Variants in LSM1 observed in about 807,000 individuals in gnomAD.
LSM1 encodes the protein LSM1 homolog, mRNA degradation associated.
LSM1 carries 13 observed loss-of-function variants against 18.0 expected under a neutral mutation model. The ratio of observed to expected loss-of-function variants is 0.72; its 90% CI spans 0.47 to 1.15. LSM1 has a LOEUF of 1.15. Ranked by LOEUF, LSM1 falls within the 50% of genes most tolerant of loss-of-function variation. The pLI is 0.00. For missense variants in LSM1, 152 were observed against 157.7 expected, an observed-to-expected ratio of 0.96 and a Z score of 0.19; for synonymous variants, 46 against 56.0, an observed-to-expected ratio of 0.82 and a Z score of 0.80.
At chr8:38,169,503 T>C (rs1802989679) in intron 3 of LSM1, among the ~76,000 whole-genome samples, 2 of 152,236 alleles carry the variant, frequency 1.3e-5, no homozygotes, top group Non-Finnish European at 1.5e-5. Context: ...GAAAAACCAC[T>C]TGTAACCAAT....
At chr8:38,176,536 A>T, upstream of LSM1, 1 of 577,970 alleles carries the variant, frequency 1.7e-6, no homozygotes, top group South Asian at 2.3e-5. Flanking sequence ...CCCCAGGAAG[A>T]GGCGGGGCAG....
intron 3 of LSM1, among the ~76,000 whole-genome samples, chr8:38,167,505 G>A (rs569601576): frequency 2.9e-4 from 44 of 152,084 alleles, no homozygotes; most frequent in African/African-American, 1.0e-3. Context: ...ATCACCCCTG[G>A]CTAATTTTTG....
chr8:38,169,758 G>A (rs766777263), intron 3 of LSM1, 44 bp downstream of exon 3: 1 of 1,122,720 alleles, frequency 8.9e-7, no homozygotes, highest in South Asian at 1.3e-5. Context: ...AGTCTAACTA[G>A]CATGAATATG....
chr8:38,175,038 A>AG, intron 1 of LSM1, among the ~76,000 whole-genome samples: 2 of 151,016 alleles, frequency 1.3e-5, no homozygotes, highest in South Asian at 4.2e-4. Flanking sequence ...AAAAAAAAAA[A>AG]AAAAAAGAAA....
upstream of LSM1, chr8:38,176,567 C>G: frequency 1.7e-6 from 1 of 576,902 alleles, no homozygotes; most frequent in Non-Finnish European, 3.1e-6. Flanking sequence ...GGGGGACACC[C>G]TTTCCCTGTT....
chr8:38,163,870 C>T (rs1399269041), intron 3 of LSM1, 30 bp from the exon 4 acceptor site: 8 of 1,601,286 alleles, frequency 5.0e-6, no homozygotes, highest in Middle Eastern at 3.3e-4. Context: ...GAAAACTTCA[C>T]CTGAAGACCA....
intron 1 of LSM1, among the ~76,000 whole-genome samples, chr8:38,175,305 C>G (rs1458600895): frequency 2.6e-5 from 4 of 151,950 alleles, no homozygotes; most frequent in Non-Finnish European, 5.9e-5. Flanking sequence ...CGACCTCAGG[C>G]GATCTGCCCG....
In LSM1 at chr8:38,163,529, T is replaced by C. The variant is rs1300554681; in HGVS notation, c.*141A>G. 1 of 682,294 alleles carries C rather than the reference T, an allele frequency of 1.5e-6. No individual in the cohort carries two copies. Among genetic ancestry groups the C allele is most frequent in the Non-Finnish European group, 2.4e-6 (1 of 422,870 alleles). The allele number at this position is 682,294 out of a possible 1,614,324, so 42.3% of individuals were successfully genotyped here. A position where few individuals can be genotyped will look rare whatever the true frequency, so the allele number is the denominator to read the frequency against. On this transcript the variant is annotated 3_prime_UTR_variant, in exon 4 of 4. Transcript: ENST00000311351. ...ACCCACCTACACGATTTCTTCATGT[T>C]GCATATGTAAAATAATTAAAAATAA...
intron 3 of LSM1, among the ~76,000 whole-genome samples, chr8:38,164,301 C>T (rs899922984): frequency 6.6e-6 from 1 of 152,104 alleles, no homozygotes; most frequent in South Asian, 2.1e-4. Flanking sequence ...ATCTGCCTGC[C>T]TTGGCCTCTC....
chr8:38,175,372 A>C (rs148606556), intron 1 of LSM1, among the ~76,000 whole-genome samples: 1 of 152,308 alleles, frequency 6.6e-6, no homozygotes, highest in East Asian at 1.9e-4. Flanking sequence ...CAGGCCCGTA[A>C]AATGAAATTT....
Position 38,163,652 on chromosome 8 carries a change from C to T in LSM1, c.*18G>A, listed in dbSNP as rs1346839396. 1.2e-6 allele frequency: 2 copies of T among 1,612,540 alleles called. No individual in the cohort carries two copies. The highest frequency in any genetic ancestry group is 1.7e-6 in the Non-Finnish European group (2 of 1,178,928). On this transcript the variant is annotated 3_prime_UTR_variant, in exon 4 of 4. Transcript: ENST00000311351. ...ACAGCCCCTACTCTTCAAGAGCCAA[C>T]AGCCTCTGGGCAAAAGATTAGTACT...
chr8:38,176,466 CG>C lies in LSM1; in HGVS notation c.-147del. ...CACTTCTGCCCCGGCTTTCAGCCGC[CG>C]GGGGCTGCCGGAAGCTCCTCCATAT... On this transcript the variant is annotated 5_prime_UTR_variant, in exon 1 of 4. The change abolishes the stop of an existing upstream ORF in the 5' untranslated region. Transcript: ENST00000311351. 1.5e-6 allele frequency: 1 copy of C among 651,498 alleles called. No individual in the cohort carries two copies. Among genetic ancestry groups the C allele is most frequent in the Non-Finnish European group, 2.7e-6 (1 of 375,092 alleles). The allele number at this position is 651,498 out of a possible 1,614,324, so 40.4% of individuals were successfully genotyped here.
chr8:38,164,532 T>C (rs1802896808), intron 3 of LSM1, among the ~76,000 whole-genome samples: 10 of 151,684 alleles, frequency 6.6e-5, no homozygotes, highest in Admixed American at 6.6e-4. Context: ...TTTTTTTAAT[T>C]ATTTTAAGGA....
At chr8:38,171,662 A>G (rs1803032509) in intron 2 of LSM1, among the ~76,000 whole-genome samples, 1 of 152,154 alleles carries the variant, frequency 6.6e-6, no homozygotes, top group Non-Finnish European at 1.5e-5. Context: ...GAGCGCGTCT[A>G]AACAAAAAAC....
upstream of LSM1, chr8:38,176,521 T>G: frequency 1.7e-6 from 1 of 581,160 alleles, no homozygotes; most frequent in Non-Finnish European, 3.0e-6. Context: ...GTAACACGTG[T>G]GGGCCCCCAG....
intron 3 of LSM1, among the ~76,000 whole-genome samples, chr8:38,165,506 C>A (rs1802913610): frequency 6.6e-6 from 1 of 151,644 alleles, no homozygotes; most frequent in African/African-American, 2.4e-5. Flanking sequence ...AATATCCCTA[C>A]AATTTTTCTA....
chr8:38,169,239 C>T (rs2130642784), intron 3 of LSM1, among the ~76,000 whole-genome samples: 1 of 152,188 alleles, frequency 6.6e-6, no homozygotes, highest in South Asian at 2.1e-4. Context: ...AGACCTACAG[C>T]AACAATACCT....
intron 3 of LSM1, among the ~76,000 whole-genome samples, chr8:38,169,221 A>C (rs563930485): frequency 6.6e-6 from 1 of 152,300 alleles, no homozygotes; most frequent in East Asian, 1.9e-4. Context: ...GTATGTCTGC[A>C]CACACGAAGA....
chr8:38,168,361 C>T (rs1412114793), intron 3 of LSM1, among the ~76,000 whole-genome samples: 4 of 150,444 alleles, frequency 2.7e-5, no homozygotes, highest in South Asian at 4.4e-4. Flanking sequence ...GAGGCCGAGG[C>T]GGGTAGATCG....
Sources: gnomAD v4.1 joint callset for allele counts (sites outside exome capture counted in the v4.1 genomes callset) on GRCh38, gnomAD v4.1.1 for gene constraint, MANE v1.5 for transcripts, NCBI Gene and HGNC (gene_info 2026-07-23, HGNC 2026-07-21) for gene names.